The following SEMA7A variants were observed in gnomAD, a reference collection of about 807,000 sequenced individuals.
SEMA7A encodes the protein semaphorin 7A (JohnMiltonHagen blood group), also known as semaphorin-7A.
SEMA7A carries 21 observed loss-of-function variants against 67.5 expected under a neutral mutation model. The ratio of observed to expected loss-of-function variants is 0.31; its 90% CI spans 0.22 to 0.45. SEMA7A has a LOEUF of 0.45. SEMA7A is among the 20% of genes least tolerant of loss of function. The pLI is 1.00. For synonymous variants in SEMA7A, 364 were observed against 368.5 expected (o/e 0.99, Z 0.14); for missense variants, 774 against 908.6 (o/e 0.85, Z 1.90).
chr15:74,433,909 G>T lies in SEMA7A; in HGVS notation c.10C>A (p.Pro4Thr). Reference protein sequence around the residue: MTPPPPGRAAPSAP... With the variant: MTPTPPGRAAPSAP... ...CTGGGGGCGGCACGTCCGGGCGGAG[G>T]AGGCGTCATCCCGTGGCCCCGGGAG... Residue 4 changes from proline (P) to threonine (T), a missense_variant, in exon 1 of 14, where the codon CCT becomes ACT. Physicochemically the swap from Pro to Thr is conservative, Grantham distance 38 (BLOSUM62 -1). Transcript: ENST00000261918. 8.0e-7 allele frequency: 1 copy of T among 1,254,152 alleles called. No individual in the cohort carries two copies. The allele number at this position is 1,254,152 out of a possible 1,614,324, so 77.7% of individuals were successfully genotyped here. A position where few individuals can be genotyped will look rare whatever the true frequency, so the allele number is the denominator to read the frequency against.
chr15:74,412,990 A>G (rs983869394), intron 10 of SEMA7A, among the ~76,000 whole-genome samples: 1 of 151,900 alleles, frequency 6.6e-6, no homozygotes, highest in Non-Finnish European at 1.5e-5. Flanking sequence ...ATCCTACCTC[A>G]CCTGCTCTCC....
chr15:74,410,985 T>C lies in SEMA7A; in HGVS notation c.1640A>G (p.Asp547Gly). ...GGAAACCTTCTGCAGTGGGGCCTTG[T>C]CTGGGGAGGCAGTGGGGAAGCAGCC... Reference protein sequence around the residue: ...PHKECPNPKPDKAPLQKVSLA... With the variant: ...PHKECPNPKPGKAPLQKVSLA... Residue 547 changes from aspartate (D) to glycine (G), a missense_variant and splice_region_variant, in exon 14 of 14, where the codon GAC becomes GGC. Around this residue, in one of 2 missense-constraint regions of SEMA7A, gnomAD observed 427 missense variants for 555.4 expected, o/e 0.77. Coordinates refer to ENST00000261918, the MANE Select transcript of SEMA7A (RefSeq NM_003612.5). This position sits in a 1 kb window ranked among gnomAD's most constrained non-coding sequence, Gnocchi z 7.5. 1 of 1,610,332 alleles carries C rather than the reference T, an allele frequency of 6.2e-7. No homozygotes were observed. Among genetic ancestry groups the C allele is most frequent in the Non-Finnish European group, 8.5e-7 (1 of 1,177,870 alleles).
In SEMA7A at chr15:74,419,075, C is replaced by T. The variant is rs555353664; in HGVS notation, c.179-123G>A. ...CTCAGGGTCCTGGCAGGGCGTCAGA[C>T]AAGCTCTGGGCTGGGGTGGTACCCA... On this transcript the variant is annotated intron_variant, in intron 1 of 13. Transcript: ENST00000261918. The T allele has an allele frequency of 1.8e-4, 207 of 1,145,850 alleles. 1 individual carries two copies. The highest frequency in any genetic ancestry group is 1.5e-3 in the African/African-American group (95 of 64,336). The allele number at this position is 1,145,850 out of a possible 1,614,324, so 71.0% of individuals were successfully genotyped here.
At position 74,415,810 on chromosome 15, in the gene SEMA7A, G is replaced by GTGTCCAT; in HGVS notation, c.976_977insATGGACA (p.Ser326TyrfsTer18). The GTGTCCAT allele has an allele frequency of 6.2e-7, 1 of 1,612,940 alleles. No homozygotes were observed. The highest frequency in any genetic ancestry group is 8.5e-7 in the Non-Finnish European group (1 of 1,179,460). On this transcript the variant is annotated frameshift_variant, in exon 8 of 14. Transcript: ENST00000261918. LOFTEE classifies it high-confidence loss of function. ...GACAAGGGCCACTCACCAGGGGTTG[G>GTGTCCAT]AGAAAACACCATAGACCCTGGTGTC...
Position 74,418,805 on chromosome 15 carries a change from C to G in SEMA7A, c.326G>C (p.Arg109Pro), listed in dbSNP as rs376340979. The G allele has an allele frequency of 6.2e-7, 1 of 1,613,386 alleles. No individual in the cohort carries two copies. Residue 109 changes from arginine to proline, a missense_variant, in exon 2 of 14, where the codon CGC (arginine) becomes CCC (proline). Physicochemically the swap from Arg to Pro is moderately radical, Grantham distance 103. Around this residue, in one of 2 missense-constraint regions of SEMA7A, gnomAD observed 347 missense variants for 353.2 expected, o/e 0.98. Coordinates refer to ENST00000261918, the MANE Select transcript of SEMA7A (RefSeq NM_003612.5). ...DFPEGKNASV[R>P]TVNIGSTKGS... ...TGGGGGAAGAGAGAGGCTCACCGTGCGCACAGATGCGTTCTTGCCCTCGGG... is the reference window on the plus strand; with the variant it reads ...TGGGGGAAGAGAGAGGCTCACCGTGGGCACAGATGCGTTCTTGCCCTCGGG...
chr15:74,411,551 C>T lies in SEMA7A; in HGVS notation c.1577+5G>A, dbSNP rs996633112. ...CCCAGGGACGAGGGATCCCGGCCAACGTACCGTTCGGAGCTGTAGATGGAG... is the reference window on the plus strand; with the variant it reads ...CCCAGGGACGAGGGATCCCGGCCAATGTACCGTTCGGAGCTGTAGATGGAG... On this transcript the variant is annotated splice_donor_5th_base_variant and intron_variant, in intron 12 of 13. Coordinates refer to ENST00000261918, the MANE Select transcript of SEMA7A (RefSeq NM_003612.5). The surrounding 1 kb of genome is among the most constrained non-coding windows in gnomAD (Gnocchi z 4.4). 9.7e-6 allele frequency: 15 copies of T among 1,551,282 alleles called. No individual in the cohort carries two copies. The highest frequency in any genetic ancestry group is 1.8e-4 in the Middle Eastern group (1 of 5,436).
At chr15:74,412,751 A>C (rs1293558614) in intron 10 of SEMA7A, among the ~76,000 whole-genome samples, 1 of 152,156 alleles carries the variant, frequency 6.6e-6, no homozygotes, top group Non-Finnish European at 1.5e-5. Context: ...GGATTTCACT[A>C]GTTTTTCCAC....
intron 1 of SEMA7A, among the ~76,000 whole-genome samples, chr15:74,420,467 G>T (rs925043942): frequency 1.3e-5 from 2 of 152,160 alleles, no homozygotes; most frequent in African/African-American, 4.8e-5. Context: ...ACTGTCCTTG[G>T]GTGGTGTGGC....
In SEMA7A at chr15:74,417,859, G is replaced by T; in HGVS notation, c.465+18C>A. 1 of 1,612,628 alleles carries T rather than the reference G, an allele frequency of 6.2e-7. No homozygotes were observed. The highest frequency in any genetic ancestry group is 1.3e-5 in the African/African-American group (1 of 75,038). On this transcript the variant is annotated intron_variant, in intron 4 of 13. Transcript: ENST00000261918. Reference sequence around the variant, plus strand: ...TAGAAGGTGAGCTGATCAGGCACATGGGGAGCAGCCTTCTCACCAGGTTCC... The same window carrying T: ...TAGAAGGTGAGCTGATCAGGCACATTGGGAGCAGCCTTCTCACCAGGTTCC...
Position 74,418,888 on chromosome 15 carries a change from C to T in SEMA7A, c.243G>A (p.Glu81=). ...CCACCCACACAGAGGAGCTGCCTGG[C>T]TCGTGGAAAAGCACCGTGTGCGGCT... is the stretch of plus-strand genomic sequence containing the variant. The part of the protein sequence containing the change: ...QTEPHTVLFH[E]PGSSSVWVGG... The change falls in exon 2 of 14, where the codon GAG becomes GAA. Residue 81 remains glutamate (E), a synonymous_variant. Transcript: ENST00000261918. 5.6e-6 allele frequency: 9 copies of T among 1,613,876 alleles called. No individual in the cohort carries two copies. Among genetic ancestry groups the T allele is most frequent in the Non-Finnish European group, 7.6e-6 (9 of 1,180,022 alleles).
intron 1 of SEMA7A, among the ~76,000 whole-genome samples, chr15:74,431,587 A>G (rs1242033768): frequency 2.0e-5 from 3 of 152,166 alleles, no homozygotes; most frequent in African/African-American, 7.2e-5. Context: ...GGATACCACC[A>G]TACTCCCACC....
rs571846146 is a variant in SEMA7A, at chr15:74,414,416, C to T, written c.1294+131G>A. 55 of 992,040 alleles carry T rather than the reference C, an allele frequency of 5.5e-5. No individual in the cohort carries two copies. The African/African-American group carries it at 8.1e-4, about 15-fold the overall frequency. 61.5% of individuals were successfully genotyped at this position (992,040 alleles called of 1,614,324 possible). A position where few individuals can be genotyped will look rare whatever the true frequency, so the allele number is the denominator to read the frequency against. On this transcript the variant is annotated intron_variant, in intron 10 of 13. Coordinates refer to ENST00000261918, the MANE Select transcript of SEMA7A (RefSeq NM_003612.5). This position sits in a 1 kb window ranked among gnomAD's most constrained non-coding sequence, Gnocchi z 4.1. ...TCTTCCACACCCACACACATTAACC[C>T]CTGACAACTCCAGTCACTCAATTAT... is the stretch of plus-strand genomic sequence containing the variant.
chr15:74,419,648 G>A (rs2060983136), intron 1 of SEMA7A, among the ~76,000 whole-genome samples: 1 of 152,166 alleles, frequency 6.6e-6, no homozygotes. Flanking sequence ...GTCAGTAGCA[G>A]ACCCTGAACC....
chr15:74,411,019 G>C lies in SEMA7A; in HGVS notation c.1640-34C>G, dbSNP rs763592427. The C allele has an allele frequency of 6.3e-7, 1 of 1,590,710 alleles. No homozygotes were observed. The highest frequency in any genetic ancestry group is 8.6e-7 in the Non-Finnish European group (1 of 1,168,474). On this transcript the variant is annotated intron_variant, in intron 13 of 13. Transcript: ENST00000261918. The surrounding 1 kb of genome is among the most constrained non-coding windows in gnomAD (Gnocchi z 4.4). The stretch of plus-strand genomic sequence containing the variant: ...GCAGTGGGGAAGCAGCCGTGAGGAG[G>C]GACAAAGAGCTCCCAGGGGAGGATG...
intron 5 of SEMA7A, 41 bp from the exon 6 acceptor site, chr15:74,417,486 C>G (rs1375932237): frequency 6.3e-7 from 1 of 1,592,682 alleles, no homozygotes; most frequent in African/African-American, 1.3e-5. Context: ...GGGCAGGCAG[C>G]TCCTGGAAGT....
chr15:74,412,067 A>G, intron 10 of SEMA7A, 55 bp from the exon 11 acceptor site: 13 of 1,602,132 alleles, frequency 8.1e-6, no homozygotes, highest in Non-Finnish European at 1.0e-5. Context: ...GGGGCCAGGC[A>G]GCTTTCCTCT....
chr15:74,429,467 G>A (rs1318206161), intron 1 of SEMA7A, among the ~76,000 whole-genome samples: 1 of 152,238 alleles, frequency 6.6e-6, no homozygotes, highest in African/African-American at 2.4e-5. Flanking sequence ...CAGAGGAAGA[G>A]CAGGAGAAGA....
At position 74,415,847 on chromosome 15, in the gene SEMA7A, C is replaced by T. The variant is rs1302053736; in HGVS notation, c.940G>A (p.Gly314Ser). 19 of 1,613,878 alleles carry T rather than the reference C, an allele frequency of 1.2e-5. No homozygotes were observed. The highest frequency in any genetic ancestry group is 4.0e-5 in the African/African-American group (3 of 74,896). The change falls in exon 8 of 14, where the codon GGC (glycine) becomes AGC (serine). Residue 314 changes from glycine to serine, a missense_variant. By Grantham distance (56) the Gly-to-Ser change is moderately conservative. This residue lies in a region of SEMA7A where 427 missense variants were observed against 555.4 expected (regional missense o/e 0.77). Transcript: ENST00000261918. ...QDVFLLPDPS[G>S]QWRDTRVYGV... ...TAGACCCTGGTGTCCCTCCACTGGC[C>T]GCTGGGGTCAGGGAGCAGGAAGACG...
In SEMA7A at chr15:74,433,921, C is replaced by A. The variant is rs1329158841; in HGVS notation, c.-3G>T. On this transcript the variant is annotated 5_prime_UTR_variant, in exon 1 of 14. Transcript: ENST00000261918. ...CGTCCGGGCGGAGGAGGCGTCATCCCGTGGCCCCGGGAGCGACAGCGGCAA... is the reference window on the plus strand; with the variant it reads ...CGTCCGGGCGGAGGAGGCGTCATCCAGTGGCCCCGGGAGCGACAGCGGCAA... The A allele has an allele frequency of 8.0e-7, 1 of 1,245,906 alleles. No individual in the cohort carries two copies. The highest frequency in any genetic ancestry group is 1.0e-6 in the Non-Finnish European group (1 of 997,850). 77.2% of individuals were successfully genotyped at this position (1,245,906 alleles called of 1,614,324 possible).
Sources: gnomAD v4.1 joint callset for allele counts (sites outside exome capture counted in the v4.1 genomes callset) on GRCh38, gnomAD v4.1.1 for gene constraint, gnomAD v4.1.1 regional missense constraint, Gnocchi (gnomAD v3.1) non-coding constraint, MANE v1.5 for transcripts, NCBI Gene and HGNC (gene_info 2026-07-23, HGNC 2026-07-21) for gene names.